SLC25A17: variants seen among roughly 807,000 people sequenced by gnomAD.
SLC25A17 encodes peroxisomal membrane protein PMP34.
A neutral mutation model predicts 38.5 loss-of-function variants in SLC25A17; 26 were observed. That is an observed-to-expected ratio of 0.68 (90% CI 0.50 to 0.94). The LOEUF (loss-of-function observed/expected upper bound fraction) is 0.94. Ranked by LOEUF, SLC25A17 falls within the 40% of genes least tolerant of loss-of-function variation. SLC25A17 has a pLI of 0.00. For missense variants in SLC25A17, 333 were observed against 372.7 expected (o/e 0.89, Z 0.88); for synonymous variants, 139 against 136.2 (o/e 1.02, Z -0.14).
In SLC25A17 at chr22:40,781,650, T is replaced by A. The variant is rs559749365; in HGVS notation, c.335-2525A>T. ...AGAACATTTGGTATTTCAAAGCTTT[T>A]TATCTGAGAAGTTCAAGTACTTTTT... On this transcript the variant is annotated intron_variant, in intron 4 of 8. Transcript: ENST00000435456. Among the ~76,000 whole-genome samples the A allele has an allele frequency of 1.2e-4, 19 of 152,280 alleles. No individual in the cohort carries two copies. In the South Asian group the frequency reaches 3.7e-3, roughly 30 times the overall value.
At chr22:40,800,701 A>T (rs1375154361) in intron 1 of SLC25A17, among the ~76,000 whole-genome samples, 1 of 151,926 alleles carries the variant, frequency 6.6e-6, no homozygotes, top group Non-Finnish European at 1.5e-5. Context: ...CTGGCTTCAT[A>T]CAGTATTTTA....
At chr22:40,776,264 C>A (rs539169886) in intron 7 of SLC25A17, 70 of 466,956 alleles carry the variant, frequency 1.5e-4, no homozygotes, top group African/African-American at 1.4e-3. Flanking sequence ...TGCCCAGGTC[C>A]TCCCACAGTG....
At chr22:40,782,855 C>G (rs1306604093) in intron 4 of SLC25A17, among the ~76,000 whole-genome samples, 1 of 152,180 alleles carries the variant, frequency 6.6e-6, no homozygotes, top group Non-Finnish European at 1.5e-5. Context: ...CTTCATTTAT[C>G]TGTTAAGGTT....
At chr22:40,782,013 A>G (rs533554316) in intron 4 of SLC25A17, among the ~76,000 whole-genome samples, 14 of 152,046 alleles carry the variant, frequency 9.2e-5, no homozygotes, top group Non-Finnish European at 1.9e-4. Context: ...CAAGGTCAGG[A>G]GTTAGAGACC....
intron 7 of SLC25A17, among the ~76,000 whole-genome samples, chr22:40,775,440 T>TTC (rs2057231971): frequency 2.4e-5 from 1 of 41,422 alleles, no homozygotes; most frequent in Non-Finnish European, 4.8e-5. Context: ...CTGATGGTTT[T>TTC]TTTTTTTTTT....
chr22:40,814,912 C>A lies in SLC25A17; in HGVS notation c.54+4283G>T, dbSNP rs559852350. 4.0e-5 allele frequency among the ~76,000 whole-genome samples: 6 copies of A among 151,868 alleles called. No homozygotes were observed. The East Asian group carries it at 1.2e-3, about 29-fold the overall frequency. ...TTGGCTCACTGCAAGCTCCACCTCC[C>A]GGGTTCATGCCGTTCTCCTGCCTCA... On this transcript the variant is annotated intron_variant, in intron 1 of 8. Transcript: ENST00000435456.
intron 1 of SLC25A17, among the ~76,000 whole-genome samples, chr22:40,816,905 C>G (rs1057175776): frequency 3.9e-5 from 6 of 152,018 alleles, no homozygotes; most frequent in Non-Finnish European, 8.8e-5. Context: ...GCCACCGCAC[C>G]CAGCCTATTC....
Position 40,799,003 on chromosome 22 carries a change from G to A in SLC25A17, c.115+20C>T, listed in dbSNP as rs774409497. The A allele has an allele frequency of 5.9e-6, 9 of 1,529,404 alleles. No individual in the cohort carries two copies. Among genetic ancestry groups the A allele is most frequent in the South Asian group, 4.5e-5 (4 of 89,114 alleles). 94.7% of individuals were successfully genotyped at this position (1,529,404 alleles called of 1,614,324 possible). ...TTTGCTTCCTGACACCATACAAATA[G>A]GAGTATGATTTCTACTTACCCTGAA... On this transcript the variant is annotated intron_variant, in intron 2 of 8. Transcript: ENST00000435456.
At chr22:40,812,200 C>G (rs2057589226) in intron 1 of SLC25A17, among the ~76,000 whole-genome samples, 1 of 151,946 alleles carries the variant, frequency 6.6e-6, no homozygotes, top group African/African-American at 2.4e-5. Context: ...CAGCCTGGCA[C>G]CTGGATTTCT....
rs1828956075 is a variant in SLC25A17 at position 40,777,047 on chromosome 22, A to ATT, written c.684_685dup (p.Ile229LysfsTer3). 6.2e-7 allele frequency: 1 copy of ATT among 1,614,036 alleles called. No homozygotes were observed. ...GAGAACTCCAGCACTCACCCTCAGA[A>ATT]TTGACTGTACCGTCTGCAGGGGATA... On this transcript the variant is annotated frameshift_variant, in exon 7 of 9. Transcript: ENST00000435456. LOFTEE classifies it high-confidence loss of function.
At chr22:40,812,191 A>T (rs1264126351) in intron 1 of SLC25A17, among the ~76,000 whole-genome samples, 1 of 152,100 alleles carries the variant, frequency 6.6e-6, no homozygotes, top group African/African-American at 2.4e-5. Context: ...CACCACGCCC[A>T]GCCTGGCACC....
At chr22:40,801,778 G>A (rs2057486533) in intron 1 of SLC25A17, among the ~76,000 whole-genome samples, 1 of 152,056 alleles carries the variant, frequency 6.6e-6, no homozygotes, top group African/African-American at 2.4e-5. Flanking sequence ...TCTATCGCAT[G>A]GTACTGCATT....
At chr22:40,790,946 A>G (rs775071651) in intron 4 of SLC25A17, among the ~76,000 whole-genome samples, 3 of 152,156 alleles carry the variant, frequency 2.0e-5, no homozygotes, top group Non-Finnish European at 2.9e-5. Context: ...GAACTATTCT[A>G]ATTTTTTTCC....
At chr22:40,814,812 GTT>G (rs1338813223) in intron 1 of SLC25A17, among the ~76,000 whole-genome samples, 1 of 143,130 alleles carries the variant, frequency 7.0e-6, no homozygotes, top group East Asian at 2.1e-4. Context: ...TTGTTGTTTT[GTT>G]TTGTTTTGGT....
intron 4 of SLC25A17, among the ~76,000 whole-genome samples, chr22:40,785,855 A>C (rs1478638085): frequency 1.3e-5 from 2 of 151,188 alleles, no homozygotes; most frequent in South Asian, 4.2e-4. Context: ...AGGCTGTCTT[A>C]AACTCCTGGC....
intron 6 of SLC25A17, 43 bp downstream of exon 6, chr22:40,777,185 T>C: frequency 6.2e-7 from 1 of 1,613,450 alleles, no homozygotes; most frequent in Non-Finnish European, 8.5e-7. Flanking sequence ...AACAAGAAGG[T>C]GTCAGACAGA....
chr22:40,798,685 A>AAG (rs1369035921), intron 2 of SLC25A17, among the ~76,000 whole-genome samples: 50 of 144,478 alleles, frequency 3.5e-4, no homozygotes, highest in Non-Finnish European at 7.2e-4. Flanking sequence ...AAAAAAAAAG[A>AAG]GGCTGGGTAT....
chr22:40,792,405 AC>A, intron 4 of SLC25A17, 119 bp downstream of exon 4: 5 of 833,034 alleles, frequency 6.0e-6, no homozygotes, highest in Admixed American at 6.2e-5. Context: ...AAAAAAAAAA[AC>A]CAAGTTGGAA....
intron 4 of SLC25A17, among the ~76,000 whole-genome samples, chr22:40,781,550 G>A (rs912323670): frequency 1.3e-5 from 2 of 151,970 alleles, no homozygotes; most frequent in Non-Finnish European, 2.9e-5. Flanking sequence ...CGGCCTAAAA[G>A]GATTCTTCTC....
Sources: allele counts gnomAD v4.1 joint callset (sites outside exome capture counted in the v4.1 genomes callset), GRCh38; gene constraint gnomAD v4.1.1; transcripts MANE v1.5; gene names NCBI Gene and HGNC (gene_info 2026-07-23, HGNC 2026-07-21).